The following CELF2 variants were observed in gnomAD, a reference collection of about 807,000 sequenced individuals.
CELF2 encodes CUGBP Elav-like family member 2.
In CELF2, 8 loss-of-function variants were observed where a neutral mutation model predicts 62.6. The ratio of observed to expected loss-of-function variants is 0.13; its 90% CI spans 0.07 to 0.23. CELF2 has a LOEUF of 0.23. Among genes scored for constraint, CELF2 ranks in the 10% least tolerant of loss-of-function variants. The pLI, the probability that CELF2 is intolerant of heterozygous loss-of-function variation, is 1.00. For missense variants in CELF2, 333 were observed against 671.0 expected, an observed-to-expected ratio of 0.50 and a Z score of 5.56; for synonymous variants, 258 against 250.0, an observed-to-expected ratio of 1.03 and a Z score of -0.30.
chr10:10,981,970 T>A (rs2052181173), intron 2 of CELF2, among the ~76,000 whole-genome samples: 1 of 149,252 alleles, frequency 6.7e-6, no homozygotes, highest in Non-Finnish European at 1.5e-5. Context: ...TTTTTTTTTT[T>A]TTGAGATGGA....
chr10:10,949,273 C>G (rs1297740725), intron 2 of CELF2, among the ~76,000 whole-genome samples: 1 of 152,112 alleles, frequency 6.6e-6, no homozygotes, highest in Non-Finnish European at 1.5e-5. Flanking sequence ...AAAGCCCCTG[C>G]ACTTTCCGGA....
the CELF2 span, among the ~76,000 whole-genome samples, chr10:10,610,455 A>G: frequency 1.3e-5 from 2 of 152,222 alleles, no homozygotes; most frequent in Non-Finnish European, 2.9e-5. Context: ...AAGTTTATGT[A>G]AGTTATAATT....
At chr10:10,787,861 AG>A in the CELF2 span, among the ~76,000 whole-genome samples, 1 of 152,160 alleles carries the variant, frequency 6.6e-6, no homozygotes, top group Non-Finnish European at 1.5e-5. Context: ...ATGGCATGGC[AG>A]TGCTAGCTTA....
chr10:11,122,208 C>T (rs1472780221), intron 1 of CELF2, among the ~76,000 whole-genome samples: 1 of 152,174 alleles, frequency 6.6e-6, no homozygotes, highest in South Asian at 2.1e-4. Context: ...TGCAGCAAGG[C>T]CTCAGCTGTA....
chr10:10,838,187 A>G lies in CELF2; in HGVS notation c.53+39370A>G, dbSNP rs540968428. 2.0e-4 allele frequency among the ~76,000 whole-genome samples: 31 copies of G among 152,236 alleles called. No individual in the cohort carries two copies. The South Asian group carries it at 4.4e-3, about 21-fold the overall frequency. On this transcript the variant is annotated intron_variant, in intron 1 of 13. Coordinates refer to the CELF2 transcript ENST00000636488. ...TAGATATTTTGTCGAATGCTCCTCA[A>G]TTGGGATTTGGCTGATGTTTTTCTC...
the CELF2 span, among the ~76,000 whole-genome samples, chr10:10,785,441 A>T: frequency 6.6e-6 from 1 of 152,208 alleles, no homozygotes; most frequent in Non-Finnish European, 1.5e-5. Context: ...ATTTCAGCTC[A>T]ATTCACAATA....
the CELF2 span, among the ~76,000 whole-genome samples, chr10:10,559,386 C>T: frequency 6.6e-6 from 1 of 152,206 alleles, no homozygotes; most frequent in Non-Finnish European, 1.5e-5. Flanking sequence ...ATCTTAATTT[C>T]CTCATTAGTT....
chr10:10,902,304 A>T (rs1460045696), intron 1 of CELF2, among the ~76,000 whole-genome samples: 3 of 152,152 alleles, frequency 2.0e-5, no homozygotes, highest in Non-Finnish European at 2.9e-5. Context: ...GTTCATAGCA[A>T]CTCTATTTGT....
At chr10:10,556,028 T>G in the CELF2 span, among the ~76,000 whole-genome samples, 1 of 152,142 alleles carries the variant, frequency 6.6e-6, no homozygotes. Flanking sequence ...TTTTTCCACA[T>G]TTTAAAATTT....
chr10:10,865,842 T>G (rs113287588), intron 1 of CELF2, among the ~76,000 whole-genome samples: 13 of 151,684 alleles, frequency 8.6e-5, no homozygotes, highest in Non-Finnish European at 1.6e-4. Context: ...TTTTTTGAAG[T>G]GTGAAGATAA....
At chr10:10,732,907 A>T in the CELF2 span, among the ~76,000 whole-genome samples, 1 of 152,136 alleles carries the variant, frequency 6.6e-6, no homozygotes, top group African/African-American at 2.4e-5. Flanking sequence ...GCAGGCTGGG[A>T]TTGGAGAGCC....
the CELF2 span, among the ~76,000 whole-genome samples, chr10:10,689,010 A>T: frequency 5.0e-3 from 723 of 144,590 alleles, 4 homozygotes; most frequent in Middle Eastern, 6.9e-3. Flanking sequence ...TCTCTCTCCT[A>T]AAAAAAAAGT....
chr10:11,298,618 C>CTTACT (rs138414315), intron 9 of CELF2, among the ~76,000 whole-genome samples: 4,988 of 152,214 alleles, frequency 0.033, 116 homozygotes, highest in Middle Eastern at 0.075. Context: ...GTAATGTAAT[C>CTTACT]TTAATTATTT....
At chr10:10,960,591 TAA>T (rs1387347500) in intron 2 of CELF2, among the ~76,000 whole-genome samples, 5 of 152,266 alleles carry the variant, frequency 3.3e-5, no homozygotes, top group African/African-American at 1.2e-4. Context: ...GTTTTAGTGT[TAA>T]GTGTATTTTA....
the CELF2 span, among the ~76,000 whole-genome samples, chr10:10,514,190 CA>C: frequency 5.3e-5 from 8 of 152,200 alleles, no homozygotes; most frequent in Non-Finnish European, 1.0e-4. Flanking sequence ...TGATTTCAAA[CA>C]CTGTAGAATG....
chr10:11,239,663 TAA>T (rs2073038876), intron 3 of CELF2, among the ~76,000 whole-genome samples: 1 of 152,224 alleles, frequency 6.6e-6, no homozygotes, highest in South Asian at 2.1e-4. Flanking sequence ...GGATATGAGA[TAA>T]GGATCACTTC....
In CELF2 at chr10:11,207,748, C is replaced by T. The variant is rs137960743; in HGVS notation, c.272-9677C>T. ...CTAGGCAGTGGCCAGATGGTGATAC[C>T]GCTGACATCAGGGTGCCAATTATAT... On this transcript the variant is annotated intron_variant, in intron 2 of 12. Transcript: ENST00000633077. The surrounding 1 kb of genome is among the most constrained non-coding windows in gnomAD (Gnocchi z 4.1). Among the ~76,000 whole-genome samples the T allele has an allele frequency of 1.3e-4, 20 of 152,288 alleles. No individual in the cohort carries two copies. In the East Asian group the frequency reaches 1.5e-3, roughly 12 times the overall value.
rs1364386189 is a variant in CELF2, at chr10:11,332,045, A to G, written c.*2992A>G. ...CACGAGGCCAATCTAAAGGGAAAAA[A>G]TCCTACACTACTTTTACTACTTTTG... On this transcript the variant is annotated 3_prime_UTR_variant, in exon 13 of 13. Coordinates refer to ENST00000633077, the MANE Select transcript of CELF2 (RefSeq NM_001326342.2). 6.6e-6 allele frequency: 1 copy of G among 152,126 alleles called. No individual in the cohort carries two copies. The highest frequency in any genetic ancestry group is 1.5e-5 in the Non-Finnish European group (1 of 68,030). The allele number at this position is 152,126 out of a possible 1,614,324, so 9.4% of individuals were successfully genotyped here.
At chr10:10,981,379 A>G (rs1357625011) in intron 2 of CELF2, among the ~76,000 whole-genome samples, 1 of 152,236 alleles carries the variant, frequency 6.6e-6, no homozygotes, top group Non-Finnish European at 1.5e-5. Flanking sequence ...AGGGCACTAA[A>G]AACTAATAAG....
Sources: allele counts gnomAD v4.1 joint callset (sites outside exome capture counted in the v4.1 genomes callset), GRCh38; gene constraint gnomAD v4.1.1; non-coding constraint Gnocchi (gnomAD v3.1); transcripts MANE v1.5; gene names NCBI Gene and HGNC (gene_info 2026-07-23, HGNC 2026-07-21).